The following CLDN10 variants were observed in gnomAD, a reference collection of about 807,000 sequenced individuals.
The protein encoded by CLDN10 is claudin-10.
A neutral mutation model predicts 22.9 loss-of-function variants in CLDN10; 15 were observed. That is an observed-to-expected ratio of 0.65 (90% CI 0.44 to 1.01). The LOEUF (loss-of-function observed/expected upper bound fraction) is 1.01. Ranked by LOEUF, CLDN10 falls within the 50% of genes least tolerant of loss-of-function variation. The pLI is 0.00. For missense variants in CLDN10, 247 were observed against 287.8 expected (o/e 0.86, Z 1.03); for synonymous variants, 114 against 111.4 (o/e 1.02, Z -0.15).
At chr13:95,506,869 C>T (rs1300027284) in intron 1 of CLDN10, among the ~76,000 whole-genome samples, 3 of 152,002 alleles carry the variant, frequency 2.0e-5, no homozygotes, top group African/African-American at 4.8e-5. Flanking sequence ...GCACTCACAC[C>T]GATGCATGGG....
At chr13:95,475,894 T>C (rs1282686070) in intron 1 of CLDN10, among the ~76,000 whole-genome samples, 1 of 151,998 alleles carries the variant, frequency 6.6e-6, no homozygotes, top group African/African-American at 2.4e-5. Context: ...ACCATGGCTC[T>C]GCTGTGATGA....
At chr13:95,508,679 C>G (rs74346807) in intron 1 of CLDN10, among the ~76,000 whole-genome samples, 1 of 152,082 alleles carries the variant, frequency 6.6e-6, no homozygotes, top group Admixed American at 6.5e-5. Context: ...GAAGAGGGAG[C>G]GATATCTGGA....
At chr13:95,572,855 G>A (rs2043879947) in intron 3 of CLDN10, among the ~76,000 whole-genome samples, 1 of 152,182 alleles carries the variant, frequency 6.6e-6, no homozygotes, top group East Asian at 1.9e-4. Flanking sequence ...GGTTACACCA[G>A]CTCCCCATGG....
intron 1 of CLDN10, among the ~76,000 whole-genome samples, chr13:95,440,670 T>C (rs774752129): frequency 1.3e-5 from 2 of 152,224 alleles, no homozygotes; most frequent in Non-Finnish European, 2.9e-5. Context: ...CCAAGAAGCA[T>C]TCGACATGTT....
exon 1 of CLDN10, chr13:95,433,803 C>G (rs373210781): frequency 6.2e-6 from 10 of 1,610,352 alleles, no homozygotes; most frequent in Non-Finnish European, 8.5e-6. Flanking sequence ...GCGTTCTGAC[C>G]GGACAGTGTC....
upstream of CLDN10, among the ~76,000 whole-genome samples, chr13:95,549,566 T>C (rs148027845): frequency 1.1e-4 from 17 of 152,324 alleles, no homozygotes; most frequent in East Asian, 3.3e-3. Flanking sequence ...ATATAAGACA[T>C]TCTAAAATAA....
At position 95,560,419 on chromosome 13, in the gene CLDN10, C is replaced by T. The variant is rs387907413; in HGVS notation, c.420C>T (p.Asn140=). The T allele has an allele frequency of 6.2e-7, 1 of 1,614,036 alleles. No homozygotes were observed. Residue 140 remains asparagine (N), a synonymous_variant, in exon 3 of 5, where the codon AAC becomes AAT. Transcript: ENST00000299339. The stretch of plus-strand genomic sequence containing the variant: ...TGACTGGATGTTCCCTATATGCAAA[C>T]AAAATCACAACGGAATTCTTTGATC... The part of the protein sequence containing the change: ...CSMTGCSLYA[N]KITTEFFDPL...
exon 1 of CLDN10, chr13:95,433,985 G>A: frequency 6.2e-7 from 1 of 1,614,254 alleles, no homozygotes; most frequent in South Asian, 1.1e-5. Flanking sequence ...TGGATGAACT[G>A]CGCAGGTAAC....
intron 1 of CLDN10, among the ~76,000 whole-genome samples, chr13:95,539,534 T>G (rs1195758034): frequency 6.6e-6 from 1 of 152,338 alleles, no homozygotes; most frequent in East Asian, 1.9e-4. Context: ...ATAATAAAAA[T>G]TTTAAAGGAG....
At chr13:95,456,531 T>C (rs996059758) in intron 1 of CLDN10, among the ~76,000 whole-genome samples, 33 of 152,256 alleles carry the variant, frequency 2.2e-4, no homozygotes, top group African/African-American at 7.7e-4. Flanking sequence ...GGCAGGAGGA[T>C]TGCTTAAGGC....
chr13:95,454,423 C>T (rs1232755978), intron 1 of CLDN10, among the ~76,000 whole-genome samples: 1 of 151,582 alleles, frequency 6.6e-6, no homozygotes, highest in Non-Finnish European at 1.5e-5. Context: ...GTGAGCAAGA[C>T]TGTCTCAAAA....
At chr13:95,575,721 G>C (rs1308318551) in intron 3 of CLDN10, among the ~76,000 whole-genome samples, 1 of 152,190 alleles carries the variant, frequency 6.6e-6, no homozygotes, top group Non-Finnish European at 1.5e-5. Context: ...GGCAGGAGGG[G>C]CTTCCCCCTA....
intron 1 of CLDN10, among the ~76,000 whole-genome samples, chr13:95,465,006 T>C (rs1444612925): frequency 6.6e-6 from 1 of 151,998 alleles, no homozygotes; most frequent in African/African-American, 2.4e-5. Context: ...GGGTAACAGG[T>C]TGTATTAGTC....
intron 1 of CLDN10, among the ~76,000 whole-genome samples, chr13:95,508,722 G>A (rs538327711): frequency 5.3e-5 from 8 of 152,294 alleles, no homozygotes; most frequent in South Asian, 2.1e-4. Context: ...CTTCCTTTTC[G>A]AGGTGATTGT....
chr13:95,535,665 A>C lies in CLDN10; in HGVS notation c.215-24467A>C, dbSNP rs536940273. On this transcript the variant is annotated intron_variant, in intron 1 of 4. Coordinates refer to the CLDN10 transcript ENST00000376873. ...AAAGGAGAAGATGTCCCATAGGCAC[A>C]TGGGACATCAGAAGAACTGATTCTG... Among the ~76,000 whole-genome samples the C allele has an allele frequency of 5.9e-3, 891 of 152,144 alleles. 9 individuals carry two copies. Among genetic ancestry groups the C allele is most frequent in the African/African-American group, 0.021 (859 of 41,498 alleles).
intron 1 of CLDN10, among the ~76,000 whole-genome samples, chr13:95,443,474 C>T (rs1039679274): frequency 2.0e-5 from 3 of 152,136 alleles, no homozygotes; most frequent in Non-Finnish European, 4.4e-5. Context: ...TTATACTCGT[C>T]GATCCCGAGA....
At chr13:95,466,876 C>G (rs1228420363) in intron 1 of CLDN10, among the ~76,000 whole-genome samples, 1 of 136,890 alleles carries the variant, frequency 7.3e-6, no homozygotes, top group East Asian at 2.1e-4. Context: ...ACCCCCTCTA[C>G]TTTTTTTTTT....
At chr13:95,435,753 A>G (rs1233424706) in intron 1 of CLDN10, among the ~76,000 whole-genome samples, 1 of 152,148 alleles carries the variant, frequency 6.6e-6, no homozygotes, top group Non-Finnish European at 1.5e-5. Context: ...CACCTTAGGA[A>G]TCAGGTAGAA....
chr13:95,453,225 C>T (rs913767748), intron 1 of CLDN10, among the ~76,000 whole-genome samples: 2 of 152,192 alleles, frequency 1.3e-5, no homozygotes, highest in African/African-American at 4.8e-5. Context: ...AGTCCCCTCC[C>T]TAAACATCTC....
Sources: allele counts gnomAD v4.1 joint callset (sites outside exome capture counted in the v4.1 genomes callset), GRCh38; gene constraint gnomAD v4.1.1; transcripts MANE v1.5; gene names NCBI Gene and HGNC (gene_info 2026-07-23, HGNC 2026-07-21).